The following DNM2 variants were observed in gnomAD, a reference collection of about 807,000 sequenced individuals.
DNM2 encodes dynamin 2, also known as dynamin-2.
A neutral mutation model predicts 99.0 loss-of-function variants in DNM2; 15 were observed. The observed-to-expected ratio is 0.15, with a 90% CI of 0.10 to 0.23. DNM2 has a LOEUF of 0.23. DNM2 is among the 10% of genes least tolerant of loss of function. DNM2 has a pLI of 1.00. For synonymous variants in DNM2, 525 were observed against 481.2 expected, an observed-to-expected ratio of 1.09 and a Z score of -1.19; for missense variants, 742 against 1,189.4, an observed-to-expected ratio of 0.62 and a Z score of 5.53.
rs1229340418 is a variant in DNM2, at chr19:10,830,861, CT to C, written c.2544-116del. 21 of 1,298,564 alleles carry C rather than the reference CT, an allele frequency of 1.6e-5. No homozygotes were observed. The highest frequency in any genetic ancestry group is 3.0e-5 in the African/African-American group (2 of 66,028). 80.4% of individuals were successfully genotyped at this position (1,298,564 alleles called of 1,614,324 possible). ...ACCCTGGTGGCTTGCGGAGGTCAGC[CT>C]GGGAACACCCTGGGGTGGTGTGTGG... On this transcript the variant is annotated intron_variant, in intron 20 of 20. Coordinates refer to ENST00000389253, the MANE Select transcript of DNM2 (RefSeq NM_001005361.3). This position sits in a 1 kb window ranked among gnomAD's most constrained non-coding sequence, Gnocchi z 4.8.
chr19:10,722,943 A>G (rs985985616), intron 1 of DNM2, among the ~76,000 whole-genome samples: 17 of 151,644 alleles, frequency 1.1e-4, no homozygotes, highest in South Asian at 2.1e-4. Context: ...TCATTAAAAT[A>G]CAAGTTATAA....
intron 1 of DNM2, among the ~76,000 whole-genome samples, chr19:10,735,667 C>G (rs539427865): frequency 2.0e-5 from 3 of 151,964 alleles, no homozygotes; most frequent in Non-Finnish European, 2.9e-5. Flanking sequence ...GCGCCCACCA[C>G]CACGCCCGGC....
At chr19:10,778,334 T>C (rs183415463) in intron 5 of DNM2, among the ~76,000 whole-genome samples, 226 of 151,090 alleles carry the variant, frequency 1.5e-3, no homozygotes, top group Non-Finnish European at 2.8e-3. Context: ...CACCCGGCCA[T>C]CTTCCTGGAA....
chr19:10,778,475 G>A (rs1255437046), intron 5 of DNM2, among the ~76,000 whole-genome samples: 2 of 151,978 alleles, frequency 1.3e-5, no homozygotes, highest in African/African-American at 4.8e-5. Context: ...AACATATCAA[G>A]TCCCTGTCTC....
In DNM2 at chr19:10,816,439, G is replaced by A. The variant is rs899373557; in HGVS notation, c.1672-3541G>A. Among the ~76,000 whole-genome samples the A allele has an allele frequency of 2.0e-5, 3 of 152,140 alleles. No individual in the cohort carries two copies. The highest frequency in any genetic ancestry group is 7.2e-5 in the African/African-American group (3 of 41,420). On this transcript the variant is annotated intron_variant, in intron 15 of 20. Transcript: ENST00000389253. This position sits in a 1 kb window ranked among gnomAD's most constrained non-coding sequence, Gnocchi z 4.6. ...CCCTGTGGAAGCTTCCAGAACCTCAGATCCAGCGAACCTCATGGGGTTGGG... is the reference window on the plus strand; with the variant it reads ...CCCTGTGGAAGCTTCCAGAACCTCAAATCCAGCGAACCTCATGGGGTTGGG...
chr19:10,783,723 C>G (rs2071460901), intron 6 of DNM2, among the ~76,000 whole-genome samples: 1 of 147,856 alleles, frequency 6.8e-6, no homozygotes, highest in East Asian at 2.0e-4. Flanking sequence ...TTTTTGGAGA[C>G]ACAGTCTCAC....
chr19:10,737,481 G>A (rs1032008358), intron 1 of DNM2, among the ~76,000 whole-genome samples: 1 of 151,874 alleles, frequency 6.6e-6, no homozygotes, highest in African/African-American at 2.4e-5. Context: ...CCACCTATGC[G>A]TTTGGTTTCT....
chr19:10,784,247 G>T (rs1236293805), intron 6 of DNM2, among the ~76,000 whole-genome samples: 1 of 152,086 alleles, frequency 6.6e-6, no homozygotes, highest in Admixed American at 6.6e-5. Context: ...TAATTCTAAT[G>T]GGGGAGACTG....
chr19:10,786,781 G>A lies in DNM2; in HGVS notation c.992+75G>A, dbSNP rs1009566434. 13 of 1,601,040 alleles carry A rather than the reference G, an allele frequency of 8.1e-6. No homozygotes were observed. In the South Asian group the frequency reaches 1.4e-4, roughly 18 times the overall value. On this transcript the variant is annotated intron_variant, in intron 7 of 20. Coordinates refer to ENST00000389253, the MANE Select transcript of DNM2 (RefSeq NM_001005361.3). ...ATCAGCCACAGGGCCCCCTAGGCTG[G>A]GCACCACTCATCACTCGTCCACTCA... is the stretch of plus-strand genomic sequence containing the variant.
At chr19:10,722,012 G>T (rs553805980) in intron 1 of DNM2, among the ~76,000 whole-genome samples, 2 of 152,252 alleles carry the variant, frequency 1.3e-5, no homozygotes, top group South Asian at 4.1e-4. Context: ...GGCGTTCTGG[G>T]CCTCAGATTC....
At chr19:10,829,633 A>C (rs745778352) in intron 19 of DNM2, among the ~76,000 whole-genome samples, 5 of 152,158 alleles carry the variant, frequency 3.3e-5, no homozygotes, top group Non-Finnish European at 5.9e-5. Context: ...CTGGAGGGGC[A>C]AACGCAAGGC....
At chr19:10,766,115 C>T (rs567768315) in intron 2 of DNM2, among the ~76,000 whole-genome samples, 4 of 152,288 alleles carry the variant, frequency 2.6e-5, no homozygotes, top group East Asian at 3.9e-4. Context: ...AACCACGAGG[C>T]ACCCCGAAAA....
chr19:10,748,926 G>T (rs1212867380), intron 1 of DNM2, among the ~76,000 whole-genome samples: 1 of 152,234 alleles, frequency 6.6e-6, no homozygotes, highest in African/African-American at 2.4e-5. Flanking sequence ...TGGCCCTGGA[G>T]TGTGGGCTCC....
chr19:10,761,132 G>T (rs1304132085), intron 2 of DNM2, among the ~76,000 whole-genome samples: 1 of 151,964 alleles, frequency 6.6e-6, no homozygotes, highest in East Asian at 1.9e-4. Flanking sequence ...GGGACTACAG[G>T]TGTGTGTCAC....
intron 1 of DNM2, among the ~76,000 whole-genome samples, chr19:10,756,285 A>G (rs573770379): frequency 6.6e-6 from 1 of 152,078 alleles, no homozygotes; most frequent in South Asian, 2.1e-4. Context: ...CTCTCCAATT[A>G]TCCCAGCCCC....
At chr19:10,743,839 T>C (rs1440013105) in intron 1 of DNM2, among the ~76,000 whole-genome samples, 1 of 119,382 alleles carries the variant, frequency 8.4e-6, no homozygotes, top group East Asian at 2.4e-4. Flanking sequence ...AAAAAAAAAT[T>C]AGCCGTGTGT....
At chr19:10,769,089 T>A (rs1267460163) in intron 2 of DNM2, among the ~76,000 whole-genome samples, 1 of 152,162 alleles carries the variant, frequency 6.6e-6, no homozygotes, top group African/African-American at 2.4e-5. Flanking sequence ...TGGTGCTGTC[T>A]TTGCCACATC....
intron 16 of DNM2, among the ~76,000 whole-genome samples, chr19:10,821,478 G>C (rs139539318): frequency 2.0e-5 from 3 of 152,212 alleles, no homozygotes; most frequent in African/African-American, 4.8e-5. Context: ...TGTTCCTCAG[G>C]ATTCCACCTG....
intron 1 of DNM2, among the ~76,000 whole-genome samples, chr19:10,720,503 A>G (rs1434946273): frequency 2.0e-5 from 3 of 151,998 alleles, no homozygotes; most frequent in South Asian, 2.1e-4. Flanking sequence ...GTGAGCCACC[A>G]AGCCTCGCCC....
Sources: allele counts gnomAD v4.1 joint callset (sites outside exome capture counted in the v4.1 genomes callset), GRCh38; gene constraint gnomAD v4.1.1; non-coding constraint Gnocchi (gnomAD v3.1); transcripts MANE v1.5; gene names NCBI Gene and HGNC (gene_info 2026-07-23, HGNC 2026-07-21).